TBC1D32: variants seen among roughly 807,000 people sequenced by gnomAD.
TBC1D32 encodes protein broad-minded.
A neutral mutation model predicts 170.3 loss-of-function variants in TBC1D32; 151 were observed. The ratio of observed to expected loss-of-function variants is 0.89; its 90% CI spans 0.78 to 1.01. The LOEUF (loss-of-function observed/expected upper bound fraction) is 1.01. TBC1D32 is among the 50% of genes least tolerant of loss of function. The pLI, the probability that TBC1D32 is intolerant of heterozygous loss-of-function variation, is 0.00. For missense variants in TBC1D32, 1,464 were observed against 1,457.1 expected (o/e 1.00, Z -0.08); for synonymous variants, 498 against 488.0 (o/e 1.02, Z -0.27).
chr6:121,328,355 G>C (rs767787875), intron 1 of TBC1D32, among the ~76,000 whole-genome samples: 2 of 151,636 alleles, frequency 1.3e-5, no homozygotes, highest in Non-Finnish European at 2.9e-5. Flanking sequence ...ACGCGATCTC[G>C]GCTCTCTGCA....
chr6:121,238,244 T>C (rs974904165), intron 20 of TBC1D32, among the ~76,000 whole-genome samples: 2 of 152,128 alleles, frequency 1.3e-5, no homozygotes, highest in Non-Finnish European at 2.9e-5. Context: ...ACAAATTTTC[T>C]ACCTTAAGCA....
chr6:121,102,833 C>G (rs1407073691), intron 30 of TBC1D32, among the ~76,000 whole-genome samples: 7 of 152,108 alleles, frequency 4.6e-5, no homozygotes, highest in Non-Finnish European at 1.0e-4. Context: ...TTTTTGCAAT[C>G]TACTCATCTG....
chr6:121,250,102 A>C (rs1798101069), intron 17 of TBC1D32, among the ~76,000 whole-genome samples: 1 of 152,112 alleles, frequency 6.6e-6, no homozygotes, highest in Non-Finnish European at 1.5e-5. Context: ...GGCTATAGTT[A>C]CCAAAACTGC....
rs541804476 is a variant in TBC1D32 at position 121,240,185 on chromosome 6, C to T, written c.2246-997G>A. Among the ~76,000 whole-genome samples the T allele has an allele frequency of 1.1e-4, 17 of 152,074 alleles. No individual in the cohort carries two copies. In the East Asian group the frequency reaches 3.3e-3, roughly 30 times the overall value. ...TGTCCTTTGAAAACTACACTTACCC[C>T]TCTCATGAAAAGTTTGAGACTCTGA... is the stretch of plus-strand genomic sequence containing the variant. On this transcript the variant is annotated intron_variant, in intron 19 of 31. Transcript: ENST00000398212.
At chr6:121,090,404 A>T (rs1411329663) in intron 31 of TBC1D32, among the ~76,000 whole-genome samples, 1 of 152,224 alleles carries the variant, frequency 6.6e-6, no homozygotes, top group African/African-American at 2.4e-5. Flanking sequence ...TTTGGTGATA[A>T]CTTTTTAAAA....
intron 1 of TBC1D32, 30 bp downstream of exon 1, chr6:121,334,246 A>G (rs9490162): frequency 0.085 from 136,299 of 1,599,584 alleles, 8,925 homozygotes; most frequent in African/African-American, 0.31. Flanking sequence ...TCGATGGTTT[A>G]TAGGCTTAAA....
chr6:121,190,287 C>G (rs1789815843), intron 22 of TBC1D32, among the ~76,000 whole-genome samples: 1 of 148,998 alleles, frequency 6.7e-6, no homozygotes, highest in Admixed American at 6.7e-5. Context: ...ATTCCCCCTC[C>G]ACCTTATCCT....
chr6:121,184,910 G>A (rs535257600), intron 22 of TBC1D32, among the ~76,000 whole-genome samples: 35 of 152,054 alleles, frequency 2.3e-4, no homozygotes, highest in Non-Finnish European at 4.7e-4. Context: ...TCCATGAAAG[G>A]GATTATTTTG....
chr6:121,190,434 C>A (rs1353572607), intron 22 of TBC1D32, among the ~76,000 whole-genome samples: 4 of 148,116 alleles, frequency 2.7e-5, no homozygotes, highest in East Asian at 2.1e-4. Context: ...CCCCCCTACA[C>A]ACCCACTCTC....
At chr6:121,271,777 T>G (rs940804316) in intron 15 of TBC1D32, among the ~76,000 whole-genome samples, 7 of 152,092 alleles carry the variant, frequency 4.6e-5, no homozygotes, top group African/African-American at 1.7e-4. Flanking sequence ...AAAGTTCATA[T>G]GGAATCAAAA....
At chr6:121,180,460 CTCCTTTTTGACAAAGTTTCCAAG>C (rs1207069321) in intron 22 of TBC1D32, among the ~76,000 whole-genome samples, 1 of 152,156 alleles carries the variant, frequency 6.6e-6, no homozygotes, top group Non-Finnish European at 1.5e-5. Context: ...TTACAGCCAA[CTCCTTTTTGACAAAGTTTCCAAG>C]AACATACAGT....
chr6:121,327,368 G>A (rs529100728), intron 1 of TBC1D32, among the ~76,000 whole-genome samples: 3 of 152,278 alleles, frequency 2.0e-5, no homozygotes, highest in Admixed American at 6.5e-5. Flanking sequence ...GATAGTATTG[G>A]TGCTATGTAC....
upstream of TBC1D32, chr6:121,334,573 G>C (rs570927130): frequency 2.2e-6 from 2 of 916,084 alleles, no homozygotes; most frequent in African/African-American, 1.7e-5. Context: ...CTGTGCCTGC[G>C]CCCTCAGCTG....
chr6:121,287,569 C>T (rs541093105), intron 12 of TBC1D32, among the ~76,000 whole-genome samples: 2 of 152,178 alleles, frequency 1.3e-5, no homozygotes, highest in South Asian at 4.1e-4. Context: ...CTTTAACACC[C>T]CACTGTCAAC....
chr6:121,099,933 C>A (rs1440141070), intron 30 of TBC1D32, among the ~76,000 whole-genome samples: 1 of 151,692 alleles, frequency 6.6e-6, no homozygotes, highest in Non-Finnish European at 1.5e-5. Flanking sequence ...TCTTTTTAAT[C>A]ACTAAATTAA....
chr6:121,300,858 C>T (rs574639397), intron 9 of TBC1D32, among the ~76,000 whole-genome samples: 62 of 152,102 alleles, frequency 4.1e-4, no homozygotes, highest in Non-Finnish European at 6.5e-4. Context: ...AAACTAACAA[C>T]CCCATCAAAA....
intron 30 of TBC1D32, among the ~76,000 whole-genome samples, chr6:121,098,674 C>G (rs1001999040): frequency 6.6e-6 from 1 of 151,848 alleles, no homozygotes; most frequent in South Asian, 2.1e-4. Flanking sequence ...CTAAAAAGAG[C>G]AAGACAAAGA....
chr6:121,196,989 G>A (rs1330110746), intron 22 of TBC1D32, among the ~76,000 whole-genome samples: 2 of 152,080 alleles, frequency 1.3e-5, no homozygotes, highest in African/African-American at 4.8e-5. Context: ...AGTTCCAGAG[G>A]GAGGAACATT....
intron 17 of TBC1D32, among the ~76,000 whole-genome samples, chr6:121,246,269 A>T (rs1031340648): frequency 6.6e-6 from 1 of 152,158 alleles, no homozygotes; most frequent in Non-Finnish European, 1.5e-5. Context: ...GTGCACAAAG[A>T]TTCTCCATAA....
Sources: allele counts gnomAD v4.1 joint callset (sites outside exome capture counted in the v4.1 genomes callset), GRCh38; gene constraint gnomAD v4.1.1; transcripts MANE v1.5; gene names NCBI Gene and HGNC (gene_info 2026-07-23, HGNC 2026-07-21).